Variants in ARR3 observed in about 807,000 individuals in gnomAD.
ARR3 encodes the protein arrestin 3, also known as arrestin-C.
A neutral mutation model predicts 35.4 loss-of-function variants in ARR3; 14 were observed. That is an observed-to-expected ratio of 0.40 (90% CI 0.26 to 0.62). The LOEUF (loss-of-function observed/expected upper bound fraction) is 0.62. Ranked by LOEUF, ARR3 falls within the 20% of genes least tolerant of loss-of-function variation. ARR3 has a pLI of 0.46. For missense variants in ARR3, 259 were observed against 303.8 expected, an observed-to-expected ratio of 0.85 and a Z score of 1.10; for synonymous variants, 97 against 119.1, an observed-to-expected ratio of 0.81 and a Z score of 1.21.
At chrX:70,281,533 TG>T (rs2085685150) in intron 16 of ARR3, 142 bp from the exon 17 acceptor site, 11 of 508,103 alleles carry the variant, frequency 2.2e-5, no homozygotes, top group Middle Eastern at 7.3e-4. Context: ...GATGGAAAAG[TG>T]GGGACACCAA....
Position 70,276,201 on chromosome X carries a change from A to G in ARR3, c.265A>G (p.Ser89Gly). The change falls in exon 6 of 17, where the codon AGC becomes GGC. Residue 89 changes from serine to glycine, a missense_variant. Ser to Gly is a moderately conservative substitution (Grantham distance 56). Coordinates refer to ENST00000307959, the MANE Select transcript of ARR3 (RefSeq NM_004312.3). ...GCAAGTGGTCCCAGCTGAATCCAGCAGCCCTCAGGGGCCCCTCACAGTCCT... is the reference window on the plus strand; with the variant it reads ...GCAAGTGGTCCCAGCTGAATCCAGCGGCCCTCAGGGGCCCCTCACAGTCCT... ...TLQVVPAESSSPQGPLTVLQE... is the reference protein window; with the variant it reads ...TLQVVPAESSGPQGPLTVLQE... 8.3e-7 allele frequency: 1 copy of G among 1,212,085 alleles called. No individual in the cohort carries two copies. Among genetic ancestry groups the G allele is most frequent in the Non-Finnish European group, 1.1e-6 (1 of 895,602 alleles).
intron 5 of ARR3, among the ~76,000 whole-genome samples, chrX:70,272,842 T>C (rs1490489465): frequency 2.7e-5 from 3 of 112,420 alleles, no homozygotes; most frequent in African/African-American, 9.7e-5. Context: ...AATAATCTGG[T>C]GTTTGATGTT....
Position 70,278,653 on chromosome X carries a change from T to C in ARR3, c.905+12T>C. ...GCCTCTAGCACAATGTAAGCTCAAA[T>C]ATAACTCTCAGCCTCCATTTCCTAC... On this transcript the variant is annotated intron_variant, in intron 12 of 16. Coordinates refer to ENST00000307959, the MANE Select transcript of ARR3 (RefSeq NM_004312.3). The C allele has an allele frequency of 8.3e-7, 1 of 1,203,592 alleles. No homozygotes were observed. The highest frequency in any genetic ancestry group is 1.1e-6 in the Non-Finnish European group (1 of 890,088).
intron 11 of ARR3, 106 bp from the exon 12 acceptor site, chrX:70,278,396 GAT>G: frequency 3.1e-6 from 3 of 973,114 alleles, no homozygotes; most frequent in Non-Finnish European, 4.2e-6. Flanking sequence ...ACCTCTCTTG[GAT>G]ACTCCAGTAG....
rs746839620 is a variant in ARR3, at chrX:70,269,440, C to T, written c.8+47C>T. Reference sequence around the variant, plus strand: ...CTGAACCTGTGAATTGCTCCCTACCCCAATCCAAGTATTTCCCTTTGGGGT... The same window carrying T: ...CTGAACCTGTGAATTGCTCCCTACCTCAATCCAAGTATTTCCCTTTGGGGT... On this transcript the variant is annotated intron_variant, in intron 2 of 16. Transcript: ENST00000307959. The T allele has an allele frequency of 3.6e-6, 4 of 1,118,146 alleles. No homozygotes were observed. In the East Asian group the frequency reaches 1.2e-4, roughly 34 times the overall value. 92.1% of individuals were successfully genotyped at this position (1,118,146 alleles called of 1,213,427 possible). A position where few individuals can be genotyped will look rare whatever the true frequency, so the allele number is the denominator to read the frequency against.
intron 5 of ARR3, among the ~76,000 whole-genome samples, chrX:70,275,682 T>C (rs1156897005): frequency 2.3e-5 from 2 of 88,435 alleles, no homozygotes; most frequent in Non-Finnish European, 4.4e-5. Context: ...TTTTTTTTTT[T>C]TTTTTGAGAC....
At position 70,278,747 on chromosome X, in the gene ARR3, T is replaced by C. The variant is rs1166686716; in HGVS notation, c.905+106T>C. ...ATGTTCAGTAAAGCCTACCTGTTTT[T>C]TAAAGTGTCTCTAGGGCAGTGTTCA... On this transcript the variant is annotated intron_variant, in intron 12 of 16. Transcript: ENST00000307959. 3.2e-5 allele frequency: 33 copies of C among 1,036,110 alleles called. No individual in the cohort carries two copies. In the East Asian group the frequency reaches 1.0e-3, roughly 32 times the overall value. The allele number at this position is 1,036,110 out of a possible 1,213,427, so 85.4% of individuals were successfully genotyped here.
intron 4 of ARR3, 85 bp from the exon 5 acceptor site, chrX:70,270,015 G>A: frequency 1.7e-6 from 2 of 1,180,644 alleles, no homozygotes; most frequent in African/African-American, 1.7e-5. Context: ...GGGAAGAATA[G>A]GAAGAACCAT....
chrX:70,273,071 C>T (rs1032044569), intron 5 of ARR3, among the ~76,000 whole-genome samples: 2 of 110,622 alleles, frequency 1.8e-5, no homozygotes, highest in Admixed American at 9.6e-5. Flanking sequence ...GATTTCTATC[C>T]GCCTCTCACT....
intron 10 of ARR3, 119 bp from the exon 11 acceptor site, chrX:70,277,947 C>A: frequency 2.3e-6 from 2 of 856,915 alleles, no homozygotes; most frequent in East Asian, 3.3e-5. Context: ...TGTCAATGAG[C>A]ATGTCTCACT....
intron 5 of ARR3, among the ~76,000 whole-genome samples, chrX:70,275,483 G>T (rs1438018659): frequency 9.1e-6 from 1 of 110,252 alleles, no homozygotes; most frequent in East Asian, 2.8e-4. Flanking sequence ...ATATATTTTG[G>T]ACTCTAAACT....
At position 70,268,950 on chromosome X, in the gene ARR3, G is replaced by A. The variant is rs372897404; in HGVS notation, c.-30-406G>A. 4.7e-4 allele frequency among the ~76,000 whole-genome samples: 52 copies of A among 111,811 alleles called. 3 individuals carry two copies. Among genetic ancestry groups the A allele is most frequent in the Admixed American group, 3.5e-3 (37 of 10,623 alleles). On this transcript the variant is annotated intron_variant, in intron 1 of 16. Coordinates refer to ENST00000307959, the MANE Select transcript of ARR3 (RefSeq NM_004312.3). ...TGTCTTGGCACCTAGTGTGTGCCAG[G>A]GGATGTCTAGCCTCATACAGACCAA...
At chrX:70,275,188 T>A (rs2085646972) in intron 5 of ARR3, among the ~76,000 whole-genome samples, 2 of 112,641 alleles carry the variant, frequency 1.8e-5, no homozygotes, top group Non-Finnish European at 3.7e-5. Context: ...TCTTCCAAAT[T>A]GGTTGCATTA....
chrX:70,276,447 G>T lies in ARR3; in HGVS notation c.360G>T (p.Leu120=), dbSNP rs1029995310. The T allele has an allele frequency of 5.8e-6, 7 of 1,211,825 alleles. No individual in the cohort carries two copies. Among genetic ancestry groups the T allele is most frequent in the South Asian group, 1.8e-5 (1 of 56,982 alleles). ...TTGTCCCCTAGATGGTGACCAACCT[G>T]CCCTGTTCTGTGACACTGCAGCCAG... ...YPFTLQMVTN[L]PCSVTLQPGP... Residue 120 remains leucine, a synonymous_variant, in exon 7 of 17, where the codon CTG becomes CTT. Coordinates refer to ENST00000307959, the MANE Select transcript of ARR3 (RefSeq NM_004312.3).
rs200409414 is a variant in ARR3 at position 70,269,703 on chromosome X, C to G, written c.39+11C>G. The G allele has an allele frequency of 4.8e-5, 58 of 1,202,648 alleles. No homozygotes were observed. Among genetic ancestry groups the G allele is most frequent in the Non-Finnish European group, 5.8e-5 (52 of 890,993 alleles). ...AGCTCCAATGGGAAGGTGAGAGAACCTGGCCCAGCTGGGCAAATGAGAGGG... is the reference window on the plus strand; with the variant it reads ...AGCTCCAATGGGAAGGTGAGAGAACGTGGCCCAGCTGGGCAAATGAGAGGG... On this transcript the variant is annotated intron_variant, in intron 3 of 16. Transcript: ENST00000307959.
rs1002929731 is a variant in ARR3, at chrX:70,277,699, C to T, written c.610-17C>T. 2 of 1,203,703 alleles carry T rather than the reference C, an allele frequency of 1.7e-6. No homozygotes were observed. The highest frequency in any genetic ancestry group is 4.4e-5 in the Admixed American group (2 of 45,907). On this transcript the variant is annotated splice_polypyrimidine_tract_variant and intron_variant, in intron 9 of 16. Transcript: ENST00000307959. The stretch of plus-strand genomic sequence containing the variant: ...TTCGTCCTCCAGCCTTGACATGGGT[C>T]CCCGCTCCTGCTTTAGGTTCACTAC...
intron 9 of ARR3, 67 bp downstream of exon 9, chrX:70,277,596 C>T: frequency 8.4e-7 from 1 of 1,187,758 alleles, no homozygotes; most frequent in Non-Finnish European, 1.1e-6. Context: ...CACTGATTTC[C>T]TACTTGGGCA....
chrX:70,280,060 A>G lies in ARR3; in HGVS notation c.906-135A>G. ...GTGGTCTCAACGGGTAGGAAAGGTT[A>G]GAGCCTGGGAGATATTCTGGGATAA... On this transcript the variant is annotated intron_variant, in intron 12 of 16. Coordinates refer to ENST00000307959, the MANE Select transcript of ARR3 (RefSeq NM_004312.3). 3 of 551,482 alleles carry G rather than the reference A, an allele frequency of 5.4e-6. No homozygotes were observed. In the South Asian group the frequency reaches 9.9e-5, roughly 18 times the overall value. 45.4% of individuals were successfully genotyped at this position (551,482 alleles called of 1,213,427 possible).
Position 70,269,252 on chromosome X carries a change from G to T in ARR3, c.-30-104G>T, listed in dbSNP as rs756799643. 861 of 827,068 alleles carry T rather than the reference G, an allele frequency of 1.0e-3. 2 individuals are homozygous for T. Among genetic ancestry groups the T allele is most frequent in the Non-Finnish European group, 1.4e-3 (824 of 602,483 alleles). The allele number at this position is 827,068 out of a possible 1,213,427, so 68.2% of individuals were successfully genotyped here. On this transcript the variant is annotated intron_variant, in intron 1 of 16. Coordinates refer to ENST00000307959, the MANE Select transcript of ARR3 (RefSeq NM_004312.3). ...GATGTGGGTGAGGTGTCTGTCTAAG[G>T]AGGAAAGGTTACATCACACTAGGTG...
Sources: allele counts gnomAD v4.1 joint callset (sites outside exome capture counted in the v4.1 genomes callset), GRCh38; gene constraint gnomAD v4.1.1; transcripts MANE v1.5; gene names NCBI Gene and HGNC (gene_info 2026-07-23, HGNC 2026-07-21).